PRKCH: variants seen among roughly 807,000 people sequenced by gnomAD.
PRKCH encodes protein kinase C eta type.
PRKCH carries 28 observed loss-of-function variants against 82.5 expected under a neutral mutation model. That is an observed-to-expected ratio of 0.34 (90% CI 0.25 to 0.47). The LOEUF (loss-of-function observed/expected upper bound fraction) is 0.47. Among genes scored for constraint, PRKCH ranks in the 20% least tolerant of loss-of-function variants. PRKCH has a pLI of 1.00. For missense variants in PRKCH, 705 were observed against 881.8 expected (o/e 0.80, Z 2.54); for synonymous variants, 322 against 327.4 (o/e 0.98, Z 0.18).
At chr14:61,188,161 G>A (rs2044376868) in intron 1 of PRKCH, among the ~76,000 whole-genome samples, 1 of 152,248 alleles carries the variant, frequency 6.6e-6, no homozygotes, top group Non-Finnish European at 1.5e-5. Context: ...CTAGCATAAA[G>A]TATGCCCTCC....
intron 2 of PRKCH, among the ~76,000 whole-genome samples, chr14:61,418,034 C>G (rs1882650153): frequency 6.6e-6 from 1 of 152,194 alleles, no homozygotes; most frequent in Non-Finnish European, 1.5e-5. Flanking sequence ...TTTCTCCACC[C>G]TGCAATTGTC....
Position 61,501,457 on chromosome 14 carries a change from C to T in PRKCH, c.1433+15801C>T, listed in dbSNP as rs189579550. On this transcript the variant is annotated intron_variant, in intron 10 of 13. Coordinates refer to ENST00000332981, the MANE Select transcript of PRKCH (RefSeq NM_006255.5). ...ATTTTAATCCCATTAAAAAAAAAAG[C>T]AGTAGCGAAAGCTACACCAAGAGTC... Among the ~76,000 whole-genome samples, 205 of 151,964 alleles carry T rather than the reference C, an allele frequency of 1.3e-3. 1 individual carries two copies. Among genetic ancestry groups the T allele is most frequent in the African/African-American group, 4.8e-3 (198 of 41,398 alleles).
At chr14:61,426,045 G>A (rs1213855319) in intron 2 of PRKCH, among the ~76,000 whole-genome samples, 1 of 152,186 alleles carries the variant, frequency 6.6e-6, no homozygotes, top group Admixed American at 6.5e-5. Context: ...GTAACTGTGA[G>A]TCAATTAAAC....
chr14:61,347,085 T>C (rs1056271614), intron 1 of PRKCH, among the ~76,000 whole-genome samples: 1 of 152,172 alleles, frequency 6.6e-6, no homozygotes, highest in African/African-American at 2.4e-5. Flanking sequence ...AAATTGCAAG[T>C]TGACGGGTGG....
At chr14:61,443,767 G>A (rs1884086376) in intron 3 of PRKCH, among the ~76,000 whole-genome samples, 1 of 152,168 alleles carries the variant, frequency 6.6e-6, no homozygotes, top group Non-Finnish European at 1.5e-5. Context: ...GGAATTAGTA[G>A]GAACTAAGAT....
intron 12 of PRKCH, among the ~76,000 whole-genome samples, chr14:61,535,553 T>C (rs2043096916): frequency 6.6e-6 from 1 of 152,026 alleles, no homozygotes; most frequent in Admixed American, 6.6e-5. Flanking sequence ...TGGAGTGTGA[T>C]GAGCAAAGGG....
At chr14:61,548,640 A>T (rs962546587) in intron 13 of PRKCH, among the ~76,000 whole-genome samples, 27 of 152,130 alleles carry the variant, frequency 1.8e-4, no homozygotes, top group African/African-American at 6.5e-4. Flanking sequence ...CAGATGGATC[A>T]CTTGAGGTCA....
chr14:61,514,074 G>A (rs376758090), intron 10 of PRKCH, among the ~76,000 whole-genome samples: 6 of 151,984 alleles, frequency 3.9e-5, no homozygotes, highest in Non-Finnish European at 5.9e-5. Flanking sequence ...ATTCCAGCCT[G>A]CCTACCCTGC....
At chr14:61,211,956 A>T (rs2044585158) in intron 1 of PRKCH, among the ~76,000 whole-genome samples, 1 of 152,188 alleles carries the variant, frequency 6.6e-6, no homozygotes, top group South Asian at 2.1e-4. Flanking sequence ...AGCCCAGGTG[A>T]AGAGGCCGCC....
intron 1 of PRKCH, among the ~76,000 whole-genome samples, chr14:61,252,810 C>T (rs1003792932): frequency 2.0e-5 from 3 of 152,174 alleles, no homozygotes; most frequent in Non-Finnish European, 4.4e-5. Context: ...ATTGCAATCC[C>T]ACCTCCAAAG....
chr14:61,445,833 T>C, intron 4 of PRKCH, 107 bp downstream of exon 4: 1 of 1,181,532 alleles, frequency 8.5e-7, no homozygotes, highest in Non-Finnish European at 1.2e-6. Context: ...GATAAATAAC[T>C]CTCTGTAGGT....
chr14:61,439,106 C>T (rs112912099), intron 2 of PRKCH, among the ~76,000 whole-genome samples: 50 of 152,294 alleles, frequency 3.3e-4, no homozygotes, highest in African/African-American at 1.1e-3. Flanking sequence ...GGTTGCCTGA[C>T]GTGTCTAACT....
At chr14:61,223,656 T>G (rs1292287277) in intron 1 of PRKCH, among the ~76,000 whole-genome samples, 1 of 152,236 alleles carries the variant, frequency 6.6e-6, no homozygotes, top group Non-Finnish European at 1.5e-5. Flanking sequence ...TAATATACAA[T>G]GGTACCCTTC....
At chr14:61,228,328 T>G (rs890416523) in intron 1 of PRKCH, among the ~76,000 whole-genome samples, 1 of 152,172 alleles carries the variant, frequency 6.6e-6, no homozygotes, top group Non-Finnish European at 1.5e-5. Flanking sequence ...GACAGCATAT[T>G]AACAACAAGG....
intron 12 of PRKCH, chr14:61,537,788 A>G (rs2043131192): frequency 6.6e-6 from 1 of 152,194 alleles, no homozygotes. Context: ...TCAGAAGGAG[A>G]TTATAAAGTG....
intron 1 of PRKCH, among the ~76,000 whole-genome samples, chr14:61,268,386 C>T (rs752025448): frequency 2.0e-5 from 3 of 152,088 alleles, no homozygotes; most frequent in Non-Finnish European, 4.4e-5. Flanking sequence ...ATATTTCTGG[C>T]CGGGTGCGAT....
At chr14:61,466,482 G>A (rs1283335270) in intron 9 of PRKCH, among the ~76,000 whole-genome samples, 1 of 152,106 alleles carries the variant, frequency 6.6e-6, no homozygotes, top group Non-Finnish European at 1.5e-5. Context: ...TCTCCTCCTG[G>A]AGAGAGAGGA....
intron 1 of PRKCH, among the ~76,000 whole-genome samples, chr14:61,293,082 A>G (rs2045377734): frequency 6.6e-6 from 1 of 152,218 alleles, no homozygotes; most frequent in Non-Finnish European, 1.5e-5. Context: ...AGTGGAAAGT[A>G]ATAACATTAA....
Position 61,530,611 on chromosome 14 carries a change from C to T in PRKCH, c.1761+16C>T, listed in dbSNP as rs748999571. 27 of 1,575,814 alleles carry T rather than the reference C, an allele frequency of 1.7e-5. No individual in the cohort carries two copies. The Admixed American group carries it at 4.8e-4, about 28-fold the overall frequency. On this transcript the variant is annotated intron_variant, in intron 12 of 13. Transcript: ENST00000332981. ...CCTAAAATCTGTAAGTTTGGCTTAC[C>T]CAGCTAGCTTCTGATGTATTGCAAA...
Sources: allele counts gnomAD v4.1 joint callset (sites outside exome capture counted in the v4.1 genomes callset), GRCh38; gene constraint gnomAD v4.1.1; transcripts MANE v1.5; gene names NCBI Gene and HGNC (gene_info 2026-07-23, HGNC 2026-07-21).